ZNF44: variants seen among roughly 807,000 people sequenced by gnomAD.
ZNF44 encodes zinc finger protein 44.
In ZNF44, 9 loss-of-function variants were observed where a neutral mutation model predicts 11.7. That is an observed-to-expected ratio of 0.77 (90% CI 0.46 to 1.35). The LOEUF is 1.35. Ranked by LOEUF, ZNF44 falls within the 40% of genes most tolerant of loss-of-function variation. The pLI is 0.00. For synonymous variants in ZNF44, 224 were observed against 242.7 expected (o/e 0.92, Z 0.72); for missense variants, 696 against 743.1 (o/e 0.94, Z 0.74).
intron 1 of ZNF44, among the ~76,000 whole-genome samples, chr19:12,292,855 G>GTTTTTTTTTT (rs71166664): frequency 6.5e-5 from 5 of 76,936 alleles, no homozygotes; most frequent in Admixed American, 1.8e-4. Flanking sequence ...CAGAGGTTAG[G>GTTTTTTTTTT]TTTTTTTTTT....
intron 2 of ZNF44, among the ~76,000 whole-genome samples, chr19:12,233,668 G>A (rs904126332): frequency 1.3e-5 from 2 of 151,204 alleles, no homozygotes; most frequent in African/African-American, 4.9e-5. Flanking sequence ...AACCAAAGAA[G>A]AGCATGACTT....
chr19:12,258,690 C>T (rs1193447773), intron 5 of ZNF44, among the ~76,000 whole-genome samples: 1 of 151,988 alleles, frequency 6.6e-6, no homozygotes, highest in African/African-American at 2.4e-5. Flanking sequence ...ATTAGATGGG[C>T]GTGGTGGCAA....
At chr19:12,282,508 G>A (rs1311930350) in intron 1 of ZNF44, among the ~76,000 whole-genome samples, 2 of 141,468 alleles carry the variant, frequency 1.4e-5, no homozygotes, top group Non-Finnish European at 3.0e-5. Flanking sequence ...TGCAACCTCC[G>A]CCTCCCAGGT....
chr19:12,288,774 G>GTATATATATATATATATATATA lies in ZNF44; in HGVS notation c.3+5896_3+5917dup, dbSNP rs55971577. ...CTCCGTCTCAAAAAAAAAAAAAAATGTATATATATATATATATATATATAT... is the reference window on the plus strand; with the variant it reads ...CTCCGTCTCAAAAAAAAAAAAAAATGTATATATATATATATATATATATATATATATATATATATATATATAT... On this transcript the variant is annotated intron_variant, in intron 1 of 3. Transcript: ENST00000355684. Among the ~76,000 whole-genome samples, 116 of 76,792 alleles carry GTATATATATATATATATATATA rather than the reference G, an allele frequency of 1.5e-3. 3 individuals are homozygous for GTATATATATATATATATATATA. Among genetic ancestry groups the GTATATATATATATATATATATA allele is most frequent in the Middle Eastern group, 0.013 (2 of 158 alleles). The allele number at this position is 76,792 out of a possible 152,430, so 50.4% of individuals were successfully genotyped here.
chr19:12,239,248 T>C (rs1277941668), upstream of ZNF44, among the ~76,000 whole-genome samples: 1 of 150,738 alleles, frequency 6.6e-6, no homozygotes, highest in Non-Finnish European at 1.5e-5. Context: ...CGAGCAGCTG[T>C]GACTATAGGT....
intron 3 of ZNF44, among the ~76,000 whole-genome samples, chr19:12,228,386 C>T (rs527438826): frequency 1.3e-5 from 2 of 151,998 alleles, no homozygotes; most frequent in Admixed American, 1.3e-4. Flanking sequence ...AGCCTAGGAC[C>T]TAGACTTCTG....
chr19:12,290,614 C>T (rs1329178144), intron 1 of ZNF44, among the ~76,000 whole-genome samples: 4 of 151,752 alleles, frequency 2.6e-5, no homozygotes, highest in South Asian at 2.1e-4. Context: ...GCAGGAGAAT[C>T]GCTTGAACCC....
At chr19:12,252,878 C>CTTTTTTT (rs753388314) in intron 5 of ZNF44, among the ~76,000 whole-genome samples, 5 of 78,642 alleles carry the variant, frequency 6.4e-5, no homozygotes, top group African/African-American at 1.6e-4. Context: ...CTACAAGAAA[C>CTTTTTTT]TTTTTTTTTT....
At chr19:12,290,484 C>G (rs1967961704) in intron 1 of ZNF44, among the ~76,000 whole-genome samples, 3 of 149,462 alleles carry the variant, frequency 2.0e-5, no homozygotes, top group Non-Finnish European at 4.4e-5. Context: ...CGGTGGATCA[C>G]AAGGTCAGGA....
downstream of ZNF44, among the ~76,000 whole-genome samples, chr19:12,269,946 T>C (rs1390734606): frequency 6.6e-6 from 1 of 152,166 alleles, no homozygotes; most frequent in African/African-American, 2.4e-5. Context: ...TTGCAAGAAA[T>C]ATTATTTTAA....
chr19:12,275,729 C>T lies in ZNF44; in HGVS notation c.130+227G>A, dbSNP rs8109941. Among the ~76,000 whole-genome samples the T allele has an allele frequency of 9.1e-3, 1,390 of 152,214 alleles. 18 individuals carry two copies. The highest frequency in any genetic ancestry group is 0.032 in the African/African-American group (1,326 of 41,512). On this transcript the variant is annotated intron_variant, in intron 2 of 3. Coordinates refer to ENST00000355684, the MANE Select transcript of ZNF44 (RefSeq NM_016264.4). Reference sequence around the variant, plus strand: ...GCAATACATATGACATATATGTGCTCGTCACTTGTTTATATGACTGATAAG... The same window carrying T: ...GCAATACATATGACATATATGTGCTTGTCACTTGTTTATATGACTGATAAG...
Position 12,276,065 on chromosome 19 carries a change from C to T in ZNF44, c.21G>A (p.Glu7=). 1 of 1,606,964 alleles carries T rather than the reference C, an allele frequency of 6.2e-7. No individual in the cohort carries two copies. Among genetic ancestry groups the T allele is most frequent in the East Asian group, 2.2e-5 (1 of 44,610 alleles). The part of the protein sequence containing the change: MDSVAF[E]DVAVNFTHEE... The stretch of plus-strand genomic sequence containing the variant: ...CATGGGTGAAGTTCACAGCCACATC[C>T]TCAAAGGCCACTGAGTCCTGAAACA... Residue 7 remains glutamate (E), a synonymous_variant, in exon 2 of 4, where the codon GAG becomes GAA. Transcript: ENST00000355684.
rs763866526 is a variant in ZNF44, at chr19:12,273,315, ACT to A, written c.938_939del (p.Gln313LeufsTer25). On this transcript the variant is annotated frameshift_variant, in exon 4 of 4. Coordinates refer to ENST00000355684, the MANE Select transcript of ZNF44 (RefSeq NM_016264.4). LOFTEE classifies it low-confidence loss of function (END_TRUNC). ...CCAAGATGACAAAACGCTTTCCCAC[ACT>A]GTTTACATGTATAGGGTTTCTCTCC... ...HTGEKPYTCKQCGKAFCHLGS... is the reference protein window; with the variant it reads ...HTGEKPYTCKXCGKAFCHLGS... The A allele has an allele frequency of 3.7e-6, 6 of 1,613,506 alleles. No individual in the cohort carries two copies. Among genetic ancestry groups the A allele is most frequent in the South Asian group, 1.1e-5 (1 of 91,040 alleles).
chr19:12,273,126 G>A lies in ZNF44; in HGVS notation c.1129C>T (p.Arg377Cys), dbSNP rs369182280. ...ATCATGTGTCTTCGAAAGCTTGAGCGATGAGATAACAATTTCCCACATTGC... is the reference window on the plus strand; with the variant it reads ...ATCATGTGTCTTCGAAAGCTTGAGCAATGAGATAACAATTTCCCACATTGC... ...CKQCGKLLSH[R>C]SSFRRHMMAH... The change falls in exon 4 of 4, where the codon CGC (arginine) becomes TGC (cysteine). Residue 377 changes from arginine (R) to cysteine (C), a missense_variant. By Grantham distance (180) the Arg-to-Cys change is radical. Coordinates refer to ENST00000355684, the MANE Select transcript of ZNF44 (RefSeq NM_016264.4). 5.1e-5 allele frequency: 82 copies of A among 1,613,642 alleles called. No homozygotes were observed. Among genetic ancestry groups the A allele is most frequent in the Non-Finnish European group, 6.2e-5 (73 of 1,179,744 alleles).
upstream of ZNF44, among the ~76,000 whole-genome samples, chr19:12,239,028 A>C (rs1011530934): frequency 6.6e-6 from 1 of 152,236 alleles, no homozygotes; most frequent in Non-Finnish European, 1.5e-5. Context: ...ACCTGGAATC[A>C]GCTTAAGGTT....
upstream of ZNF44, among the ~76,000 whole-genome samples, chr19:12,240,301 C>T (rs1359038349): frequency 1.3e-5 from 2 of 151,776 alleles, no homozygotes; most frequent in East Asian, 1.9e-4. Context: ...AAAAATTAGC[C>T]GGGTGTGGTG....
intron 1 of ZNF44, chr19:12,284,984 G>C: frequency 1.4e-6 from 1 of 719,062 alleles, no homozygotes; most frequent in East Asian, 2.5e-5. Context: ...CCTCAGCCCG[G>C]GGCTGCACTG....
intron 5 of ZNF44, among the ~76,000 whole-genome samples, chr19:12,252,839 T>C (rs988292170): frequency 1.3e-5 from 2 of 149,144 alleles, no homozygotes; most frequent in African/African-American, 4.9e-5. Context: ...GTATGTAATC[T>C]ACAAGTAAAC....
At chr19:12,293,418 A>G (rs1271195988) in intron 1 of ZNF44, 14 of 1,515,696 alleles carry the variant, frequency 9.2e-6, no homozygotes, top group Non-Finnish European at 1.2e-5. Flanking sequence ...TCACCCTGTA[A>G]AGGACATACT....
Sources: allele counts gnomAD v4.1 joint callset (sites outside exome capture counted in the v4.1 genomes callset), GRCh38; gene constraint gnomAD v4.1.1; transcripts MANE v1.5; gene names NCBI Gene and HGNC (gene_info 2026-07-23, HGNC 2026-07-21).